MORF4L2: variants seen among roughly 807,000 people sequenced by gnomAD.
MORF4L2 encodes the protein mortality factor 4-like protein 2.
A neutral mutation model predicts 12.0 loss-of-function variants in MORF4L2; 1 was observed. That is an observed-to-expected ratio of 0.08 (90% CI 0.03 to 0.40). The LOEUF is 0.40. Among genes scored for constraint, MORF4L2 ranks in the 10% least tolerant of loss-of-function variants. The pLI is 0.98. For synonymous variants in MORF4L2, 69 were observed against 81.6 expected (o/e 0.85, Z 0.83); for missense variants, 123 against 214.0 (o/e 0.57, Z 2.65).
intron 1 of MORF4L2, among the ~76,000 whole-genome samples, chrX:103,686,044 C>T (rs975359919): frequency 9.1e-6 from 1 of 109,607 alleles, no homozygotes; most frequent in African/African-American, 3.3e-5. Flanking sequence ...GTGTTCGATT[C>T]AGGATCCAAA....
chrX:103,687,281 A>G (rs2074136264), upstream of MORF4L2: 1 of 109,884 alleles, frequency 9.1e-6, no homozygotes, highest in African/African-American at 3.3e-5. Flanking sequence ...CTGTGGCGCA[A>G]CTCCCCGAAC....
chrX:103,685,909 G>C (rs1298771909), intron 1 of MORF4L2, among the ~76,000 whole-genome samples: 1 of 111,351 alleles, frequency 9.0e-6, no homozygotes, highest in African/African-American at 3.3e-5. Context: ...AGGACAATTT[G>C]AAAACATAAT....
chrX:103,683,030 A>T (rs1340156562), intron 2 of MORF4L2, among the ~76,000 whole-genome samples: 1 of 111,246 alleles, frequency 9.0e-6, no homozygotes, highest in Non-Finnish European at 1.9e-5. Context: ...TCAGAGGTAT[A>T]TGGGTCTTTT....
At chrX:103,677,545 G>A (rs184906965) in intron 3 of MORF4L2, among the ~76,000 whole-genome samples, 9 of 112,228 alleles carry the variant, frequency 8.0e-5, no homozygotes, top group Admixed American at 6.6e-4. Context: ...AAATCATGAA[G>A]AATATAGTAA....
rs2073835696 is a variant in MORF4L2, at chrX:103,675,792, A to G, written c.*369T>C. ...GCATGGGTTTTCAGGTATATACATT[A>G]AGTTGAACCTTTGGCACTAGGAATC... On this transcript the variant is annotated 3_prime_UTR_variant, in exon 4 of 4. Coordinates refer to ENST00000441076, the MANE Select transcript of MORF4L2 (RefSeq NM_012286.3). 1 of 127,540 alleles carries G rather than the reference A, an allele frequency of 7.8e-6. No homozygotes were observed. The highest frequency in any genetic ancestry group is 1.6e-5 in the Non-Finnish European group (1 of 64,003). The allele number at this position is 127,540 out of a possible 1,213,427, so 10.5% of individuals were successfully genotyped here. A position where few individuals can be genotyped will look rare whatever the true frequency, so the allele number is the denominator to read the frequency against.
rs1221688365 is a variant in MORF4L2, at chrX:103,683,224, C to T, written c.-178+1947G>A. On this transcript the variant is annotated intron_variant, in intron 2 of 3. Transcript: ENST00000441076. ...TCCTGAGTAGCTGGGATTATAGGCG[C>T]CCACCTGTATTTTTAGTAGAGATGG... Among the ~76,000 whole-genome samples the T allele has an allele frequency of 2.7e-5, 3 of 111,278 alleles. No homozygotes were observed. In the Admixed American group the frequency reaches 2.9e-4, roughly 11 times the overall value.
In MORF4L2 at chrX:103,676,837, G is replaced by A. The variant is rs1394407733; in HGVS notation, c.191C>T (p.Ala64Val). 1.7e-6 allele frequency: 2 copies of A among 1,206,773 alleles called. No homozygotes were observed. Among genetic ancestry groups the A allele is most frequent in the Admixed American group, 2.2e-5 (1 of 45,316 alleles). The part of the protein sequence containing the change: ...ALPGRWGGRS[A>V]ENPPSGSVRK... ...CACGGATCCTGAAGGGGGGTTCTCTGCAGAGCGACCACCCCATCTTCCTGG... is the reference window on the plus strand; with the variant it reads ...CACGGATCCTGAAGGGGGGTTCTCTACAGAGCGACCACCCCATCTTCCTGG... Residue 64 changes from alanine to valine, a missense_variant, in exon 4 of 4, where the codon GCA becomes GTA. Coordinates refer to ENST00000441076, the MANE Select transcript of MORF4L2 (RefSeq NM_012286.3).
chrX:103,680,439 C>T (rs1401085246), intron 2 of MORF4L2, among the ~76,000 whole-genome samples: 9 of 112,526 alleles, frequency 8.0e-5, no homozygotes, highest in Non-Finnish European at 9.4e-5. Flanking sequence ...GAGAGGGACA[C>T]GGAGACACAT....
At chrX:103,679,875 A>AG (rs1181976786) in intron 2 of MORF4L2, among the ~76,000 whole-genome samples, 6 of 95,469 alleles carry the variant, frequency 6.3e-5, no homozygotes, top group African/African-American at 2.3e-4. Context: ...AAAAAAAAAA[A>AG]AAAAAAAAAA....
intron 2 of MORF4L2, among the ~76,000 whole-genome samples, chrX:103,682,735 A>C (rs1366283807): frequency 8.9e-6 from 1 of 111,936 alleles, no homozygotes; most frequent in African/African-American, 3.2e-5. Context: ...CCAAACCATC[A>C]CTTTCTTTTG....
chrX:103,677,278 T>C (rs1392315196), intron 3 of MORF4L2, among the ~76,000 whole-genome samples: 1 of 111,433 alleles, frequency 9.0e-6, no homozygotes, highest in Non-Finnish European at 1.9e-5. Flanking sequence ...TCATCACAAC[T>C]ACCCATAAAT....
intron 2 of MORF4L2, chrX:103,684,690 GC>G (rs2074058194): frequency 1.8e-5 from 2 of 112,279 alleles, no homozygotes; most frequent in African/African-American, 6.5e-5. Flanking sequence ...CATGTGCCAT[GC>G]ACTGTCCTGG....
chrX:103,680,512 T>C (rs1258844287), intron 2 of MORF4L2, among the ~76,000 whole-genome samples: 1 of 112,485 alleles, frequency 8.9e-6, no homozygotes, highest in Non-Finnish European at 1.9e-5. Flanking sequence ...TTGTAAGCTA[T>C]CATGCTTCCA....
chrX:103,676,805 T>C lies in MORF4L2; in HGVS notation c.223A>G (p.Thr75Ala). The C allele has an allele frequency of 8.3e-7, 1 of 1,206,928 alleles. No homozygotes were observed. Among genetic ancestry groups the C allele is most frequent in the African/African-American group, 1.8e-5 (1 of 56,296 alleles). ...ENPPSGSVRK[T>A]RKNKQKTPGN... ...GGAGTCTTCTGCTTGTTCTTTCTGG[T>C]CTTCCTCACGGATCCTGAAGGGGGG... The change falls in exon 4 of 4, where the codon ACC becomes GCC. Residue 75 changes from threonine (T) to alanine (A), a missense_variant. Transcript: ENST00000441076.
At chrX:103,684,103 G>A (rs140163959) in intron 2 of MORF4L2, among the ~76,000 whole-genome samples, 1,544 of 112,189 alleles carry the variant, frequency 0.014, 17 homozygotes, top group Non-Finnish European at 0.021. Context: ...ACAAGCAATG[G>A]GCCATTTGGG....
In MORF4L2 at chrX:103,676,717, C is replaced by T; in HGVS notation, c.311G>A (p.Arg104Gln). ...APQPPRKKRARADPTVESEEA... is the reference protein window; with the variant it reads ...APQPPRKKRAQADPTVESEEA... ...CTCACTTTCAACAGTGGGGTCTGCC[C>T]GGGCCCTTTTCTTCCGAGGGGGCTG... The change falls in exon 4 of 4, where the codon CGG becomes CAG. Residue 104 changes from arginine (R) to glutamine (Q), a missense_variant. Transcript: ENST00000441076. 8.3e-7 allele frequency: 1 copy of T among 1,207,573 alleles called. No homozygotes were observed. The highest frequency in any genetic ancestry group is 1.1e-6 in the Non-Finnish European group (1 of 894,571).
chrX:103,682,719 T>C (rs2074012997), intron 2 of MORF4L2, among the ~76,000 whole-genome samples: 1 of 112,295 alleles, frequency 8.9e-6, no homozygotes, highest in African/African-American at 3.2e-5. Flanking sequence ...TGTTGGAAAT[T>C]TTTTTCCAAA....
Position 103,676,413 on chromosome X carries a change from G to A in MORF4L2, c.615C>T (p.Pro205=). ...GAGCCAAGAGGATTTCAGCATACTG[G>A]GGCCTCTCAAATTTGTAGAGCAGCT... is the stretch of plus-strand genomic sequence containing the variant. ...GTQLLYKFER[P]QYAEILLAHP... The change falls in exon 4 of 4, where the codon CCC becomes CCT. Residue 205 remains proline, a synonymous_variant. Transcript: ENST00000441076. 1 of 1,211,609 alleles carries A rather than the reference G, an allele frequency of 8.3e-7. No homozygotes were observed. The highest frequency in any genetic ancestry group is 3.0e-5 in the East Asian group (1 of 33,845).
intron 2 of MORF4L2, among the ~76,000 whole-genome samples, chrX:103,683,309 G>A (rs749422404): frequency 1.1e-3 from 124 of 111,621 alleles, no homozygotes; most frequent in African/African-American, 3.8e-3. Flanking sequence ...CACACACCGC[G>A]GCCTCCCAAA....
Sources: allele counts gnomAD v4.1 joint callset (sites outside exome capture counted in the v4.1 genomes callset), GRCh38; gene constraint gnomAD v4.1.1; transcripts MANE v1.5; gene names NCBI Gene and HGNC (gene_info 2026-07-23, HGNC 2026-07-21).